AK7: variants seen among roughly 807,000 people sequenced by gnomAD.
AK7 encodes adenylate kinase 7, also known as ATP-AMP transphosphorylase 7.
A neutral mutation model predicts 96.6 loss-of-function variants in AK7; 78 were observed. That is an observed-to-expected ratio of 0.81 (90% CI 0.67 to 0.97). AK7 has a LOEUF of 0.97. Ranked by LOEUF, AK7 falls within the 50% of genes least tolerant of loss-of-function variation. The pLI is 0.00. For missense variants in AK7, 855 were observed against 887.9 expected, an observed-to-expected ratio of 0.96 and a Z score of 0.47; for synonymous variants, 302 against 317.2, an observed-to-expected ratio of 0.95 and a Z score of 0.51.
chr14:96,450,496 C>T (rs537285495), intron 9 of AK7, among the ~76,000 whole-genome samples: 5 of 150,532 alleles, frequency 3.3e-5, no homozygotes, highest in Admixed American at 2.0e-4. Context: ...AAATGCCATT[C>T]GAACACTGGG....
At chr14:96,410,821 G>C (rs929030348) in intron 4 of AK7, among the ~76,000 whole-genome samples, 1 of 152,048 alleles carries the variant, frequency 6.6e-6, no homozygotes, top group African/African-American at 2.4e-5. Flanking sequence ...CGGGTAACAG[G>C]GCGAAACCAC....
At chr14:96,457,042 C>G (rs1475205254) in intron 11 of AK7, 2 of 134,696 alleles carry the variant, frequency 1.5e-5, no homozygotes, top group Non-Finnish European at 3.2e-5. Context: ...TCAGAGCCAT[C>G]TTGTAAAATG....
intron 4 of AK7, among the ~76,000 whole-genome samples, chr14:96,420,086 G>A (rs186768118): frequency 1.3e-5 from 2 of 151,660 alleles, no homozygotes; most frequent in African/African-American, 2.4e-5. Flanking sequence ...GGCTGGTCTC[G>A]AACTCCAGAC....
intron 12 of AK7, among the ~76,000 whole-genome samples, chr14:96,461,154 G>C: frequency 6.6e-6 from 1 of 152,192 alleles, no homozygotes; most frequent in East Asian, 1.9e-4. Context: ...GGAGCACTAT[G>C]TTGGTTTTAG....
At position 96,408,886 on chromosome 14, in the gene AK7, T is replaced by C; in HGVS notation, c.443T>C (p.Leu148Pro). Reference protein sequence around the residue: ...EEVSHFEKRKLFILLSTVMTW... With the variant: ...EEVSHFEKRKPFILLSTVMTW... ...GTCAGCCACTTTGAAAAGCGAAAGC[T>C]ATTTATTTTACTGTCGACGGTGATG... The change falls in exon 4 of 18, where the codon CTA becomes CCA. Residue 148 changes from leucine to proline, a missense_variant. Coordinates refer to ENST00000267584, the MANE Select transcript of AK7 (RefSeq NM_152327.5). 1.9e-6 allele frequency: 3 copies of C among 1,614,236 alleles called. No individual in the cohort carries two copies. The highest frequency in any genetic ancestry group is 2.5e-6 in the Non-Finnish European group (3 of 1,180,032).
chr14:96,398,041 T>C (rs771283845), intron 1 of AK7, 34 bp from the exon 2 acceptor site: 27 of 1,599,240 alleles, frequency 1.7e-5, no homozygotes, highest in Non-Finnish European at 2.3e-5. Context: ...TCTAATTTTC[T>C]CTTACCATTT....
intron 7 of AK7, among the ~76,000 whole-genome samples, 182 bp downstream of exon 7, chr14:96,443,000 C>T (rs969309721): frequency 6.6e-5 from 10 of 152,086 alleles, no homozygotes; most frequent in African/African-American, 2.2e-4. Context: ...GAAATAGTGC[C>T]CACTGTTCAA....
rs756794218 is a variant in AK7 at position 96,442,761 on chromosome 14, C to T, written c.722C>T (p.Pro241Leu). 2.5e-6 allele frequency: 4 copies of T among 1,614,198 alleles called. No homozygotes were observed. The highest frequency in any genetic ancestry group is 1.7e-5 in the Admixed American group (1 of 60,012). ...MAWLGEIPAL[P>L]VFGDGTNVIP... is the part of the protein sequence containing the mutation. ...TGGTTGGGCGAGATTCCTGCATTAC[C>T]AGTTTTTGGCGATGGAACAAATGTA... The change falls in exon 7 of 18, where the codon CCA becomes CTA. Residue 241 changes from proline (P) to leucine (L), a missense_variant. Coordinates refer to ENST00000267584, the MANE Select transcript of AK7 (RefSeq NM_152327.5).
intron 7 of AK7, among the ~76,000 whole-genome samples, chr14:96,444,695 C>T (rs1186121648): frequency 6.6e-6 from 1 of 151,836 alleles, no homozygotes; most frequent in Non-Finnish European, 1.5e-5. Flanking sequence ...TAACCTGGTA[C>T]TAACCTATCG....
intron 6 of AK7, among the ~76,000 whole-genome samples, chr14:96,442,458 A>G (rs934438544): frequency 6.6e-6 from 1 of 152,110 alleles, no homozygotes; most frequent in Non-Finnish European, 1.5e-5. Flanking sequence ...AGGGCTACAC[A>G]TTATTTCTCT....
At chr14:96,473,233 C>T (rs1385818303) in intron 14 of AK7, among the ~76,000 whole-genome samples, 3 of 147,924 alleles carry the variant, frequency 2.0e-5, no homozygotes, top group African/African-American at 2.5e-5. Flanking sequence ...TGCAGTGGCG[C>T]GATCTCAGCT....
chr14:96,406,649 A>C (rs1262429915), intron 3 of AK7, among the ~76,000 whole-genome samples: 2 of 152,004 alleles, frequency 1.3e-5, no homozygotes, highest in South Asian at 2.1e-4. Context: ...CCTACTGCAC[A>C]TTCTTAGATT....
At position 96,455,788 on chromosome 14, in the gene AK7, G is replaced by T. The variant is rs528238834; in HGVS notation, c.1099-559G>T. Among the ~76,000 whole-genome samples the T allele has an allele frequency of 9.2e-5, 14 of 152,270 alleles. No homozygotes were observed. In the South Asian group the frequency reaches 2.9e-3, roughly 32 times the overall value. On this transcript the variant is annotated intron_variant, in intron 10 of 17. Coordinates refer to ENST00000267584, the MANE Select transcript of AK7 (RefSeq NM_152327.5). ...CTATTGAATACCTACTGAATGAATG[G>T]ACATGAACCAGAACATGAACTGTCT...
intron 3 of AK7, among the ~76,000 whole-genome samples, chr14:96,406,606 A>T (rs1479002960): frequency 6.6e-6 from 1 of 152,146 alleles, no homozygotes; most frequent in Non-Finnish European, 1.5e-5. Context: ...GTAGGGCATG[A>T]GGTTGGTAAG....
chr14:96,396,298 A>G (rs1890080401), intron 1 of AK7, among the ~76,000 whole-genome samples: 2 of 152,162 alleles, frequency 1.3e-5, no homozygotes, highest in African/African-American at 4.8e-5. Context: ...GTAATTACTG[A>G]TCATCTGCTC....
At chr14:96,468,073 CAAAAAA>C (rs35563628) in intron 12 of AK7, among the ~76,000 whole-genome samples, 21 of 79,132 alleles carry the variant, frequency 2.7e-4, no homozygotes, top group African/African-American at 3.9e-4. Flanking sequence ...CCCGTCTCTA[CAAAAAA>C]AAAAAAAAAA....
At chr14:96,451,735 A>G (rs1893616918) in intron 10 of AK7, among the ~76,000 whole-genome samples, 165 bp downstream of exon 10, 2 of 152,228 alleles carry the variant, frequency 1.3e-5, no homozygotes, top group African/African-American at 4.8e-5. Context: ...ATTTACATGT[A>G]TATCAAATTA....
At chr14:96,396,019 C>T (rs929554961) in intron 1 of AK7, among the ~76,000 whole-genome samples, 3 of 151,786 alleles carry the variant, frequency 2.0e-5, no homozygotes, top group Non-Finnish European at 4.4e-5. Context: ...ACCATGTTGG[C>T]CAGGATGGTC....
chr14:96,438,037 C>G, intron 6 of AK7, 122 bp downstream of exon 6: 1 of 709,960 alleles, frequency 1.4e-6, no homozygotes, highest in South Asian at 2.2e-5. Flanking sequence ...AAGATGAAGG[C>G]AAGTATGGAT....
Sources: allele counts gnomAD v4.1 joint callset (sites outside exome capture counted in the v4.1 genomes callset), GRCh38; gene constraint gnomAD v4.1.1; transcripts MANE v1.5; gene names NCBI Gene and HGNC (gene_info 2026-07-23, HGNC 2026-07-21).